Variants in PDE1A observed in about 807,000 individuals in gnomAD.
PDE1A encodes phosphodiesterase 1A.
PDE1A carries 35 observed loss-of-function variants against 61.7 expected under a neutral mutation model. That is an observed-to-expected ratio of 0.57 (90% confidence interval 0.43 to 0.75). PDE1A has a LOEUF of 0.75. Ranked by LOEUF, PDE1A falls within the 30% of genes least tolerant of loss-of-function variation. The pLI is 0.00. For synonymous variants in PDE1A, 232 were observed against 213.2 expected, an observed-to-expected ratio of 1.09 and a Z score of -0.77; for missense variants, 597 against 630.6, an observed-to-expected ratio of 0.95 and a Z score of 0.57.
chr2:182,700,928 A>G, the PDE1A span, among the ~76,000 whole-genome samples: 1 of 151,952 alleles, frequency 6.6e-6, no homozygotes, highest in Non-Finnish European at 1.5e-5. Context: ...CACACACGCA[A>G]AAAAAGTAAT....
chr2:182,522,210 C>T lies in PDE1A; in HGVS notation c.101+66G>A. 6 of 1,373,198 alleles carry T rather than the reference C, an allele frequency of 4.4e-6. 1 individual carries two copies. In the South Asian group the frequency reaches 4.7e-5, roughly 11 times the overall value. The allele number at this position is 1,373,198 out of a possible 1,614,324, so 85.1% of individuals were successfully genotyped here. On this transcript the variant is annotated intron_variant, in intron 2 of 14. Transcript: ENST00000410103. ...AACTAGCCCACAAAGGCGGATAGCA[C>T]CAACAATTAGTCACGTTAATAGTCA...
intron 2 of PDE1A, among the ~76,000 whole-genome samples, chr2:182,260,626 GA>G (rs1470061056): frequency 2.0e-5 from 3 of 152,076 alleles, no homozygotes; most frequent in African/African-American, 7.2e-5. Flanking sequence ...AGACTCTCCA[GA>G]AAAAAATAAA....
chr2:182,249,186 T>C (rs1386726531), intron 2 of PDE1A, among the ~76,000 whole-genome samples: 2 of 152,216 alleles, frequency 1.3e-5, no homozygotes, highest in Non-Finnish European at 2.9e-5. Flanking sequence ...GAGCTGCTTC[T>C]TGGCCACTCC....
chr2:182,419,217 T>C (rs1703113717), intron 1 of PDE1A, among the ~76,000 whole-genome samples: 1 of 152,234 alleles, frequency 6.6e-6, no homozygotes, highest in African/African-American at 2.4e-5. Flanking sequence ...CACAAATGCA[T>C]TTTATTCATT....
At chr2:182,667,541 C>A in the PDE1A span, among the ~76,000 whole-genome samples, 5 of 152,206 alleles carry the variant, frequency 3.3e-5, no homozygotes, top group Non-Finnish European at 7.3e-5. Context: ...TGAGTCTCCT[C>A]AGACAATACA....
chr2:182,374,654 C>T (rs184543239), intron 1 of PDE1A, among the ~76,000 whole-genome samples: 1 of 152,006 alleles, frequency 6.6e-6, no homozygotes, highest in East Asian at 1.9e-4. Context: ...TAAAAATGAA[C>T]ATGATACTAG....
At chr2:182,533,290 G>C in the PDE1A span, among the ~76,000 whole-genome samples, 1 of 152,318 alleles carries the variant, frequency 6.6e-6, no homozygotes, top group African/African-American at 2.4e-5. Context: ...CAGCCTGGGT[G>C]ACAGAGCGAG....
chr2:182,490,065 T>G (rs1465670839), intron 2 of PDE1A, among the ~76,000 whole-genome samples: 1 of 95,984 alleles, frequency 1.0e-5, no homozygotes, highest in African/African-American at 4.6e-5. Flanking sequence ...AAAGTGTTAT[T>G]CTGGAAGCAG....
chr2:182,474,141 T>G (rs1210891878), intron 2 of PDE1A, among the ~76,000 whole-genome samples: 1 of 151,876 alleles, frequency 6.6e-6, no homozygotes. Context: ...AATATAAACA[T>G]TTTTTGGTGT....
the PDE1A span, among the ~76,000 whole-genome samples, chr2:182,587,505 T>C: frequency 6.6e-6 from 1 of 152,226 alleles, no homozygotes; most frequent in Non-Finnish European, 1.5e-5. Flanking sequence ...TTTTTCACTA[T>C]TGCACAAATA....
chr2:182,211,678 T>C (rs568567600), intron 7 of PDE1A, among the ~76,000 whole-genome samples: 1 of 152,344 alleles, frequency 6.6e-6, no homozygotes, highest in Non-Finnish European at 1.5e-5. Context: ...ACTTATTTCA[T>C]CAAAGTTTTA....
chr2:182,711,693 G>A, the PDE1A span, among the ~76,000 whole-genome samples: 1 of 152,160 alleles, frequency 6.6e-6, no homozygotes. Context: ...ACATCTTATT[G>A]TGCACTAAAA....
At chr2:182,178,909 G>C (rs1684517017) in intron 13 of PDE1A, among the ~76,000 whole-genome samples, 1 of 152,110 alleles carries the variant, frequency 6.6e-6, no homozygotes, top group Non-Finnish European at 1.5e-5. Context: ...GGGGCTGTCT[G>C]TCTGGAAAGA....
intron 2 of PDE1A, among the ~76,000 whole-genome samples, chr2:182,513,591 T>C (rs550271836): frequency 4.6e-5 from 7 of 152,308 alleles, no homozygotes; most frequent in African/African-American, 1.7e-4. Context: ...AATCTTCACA[T>C]ATCGATGTTA....
the PDE1A span, among the ~76,000 whole-genome samples, chr2:182,598,400 T>C: frequency 6.6e-6 from 1 of 152,030 alleles, no homozygotes; most frequent in Admixed American, 6.6e-5. Context: ...GGGGAAACCC[T>C]GTCTCTACTA....
intron 1 of PDE1A, among the ~76,000 whole-genome samples, chr2:182,401,278 AT>A (rs1701984704): frequency 6.6e-6 from 1 of 152,204 alleles, no homozygotes; most frequent in Admixed American, 6.5e-5. Context: ...CCTCAATAAA[AT>A]ACTGGCAAAC....
intron 1 of PDE1A, among the ~76,000 whole-genome samples, chr2:182,357,318 G>T (rs1031381824): frequency 3.9e-5 from 6 of 151,950 alleles, no homozygotes; most frequent in African/African-American, 1.4e-4. Flanking sequence ...AATGGGTAAA[G>T]GAAAACCAGA....
chr2:182,567,852 G>T, the PDE1A span, among the ~76,000 whole-genome samples: 3 of 149,738 alleles, frequency 2.0e-5, no homozygotes, highest in African/African-American at 7.4e-5. Flanking sequence ...GTGTGCAGTG[G>T]CATGATTTTG....
chr2:182,560,151 G>A, the PDE1A span, among the ~76,000 whole-genome samples: 9 of 151,118 alleles, frequency 6.0e-5, no homozygotes, highest in Non-Finnish European at 8.8e-5. Flanking sequence ...CCATGCTGGT[G>A]TACTGCACCC....
Sources: gnomAD v4.1 joint callset for allele counts (sites outside exome capture counted in the v4.1 genomes callset) on GRCh38, gnomAD v4.1.1 for gene constraint, MANE v1.5 for transcripts, NCBI Gene and HGNC (gene_info 2026-07-23, HGNC 2026-07-21) for gene names.